ACADSB: variants seen among roughly 807,000 people sequenced by gnomAD.
The protein encoded by ACADSB is acyl-CoA dehydrogenase short/branched chain.
ACADSB carries 40 observed loss-of-function variants against 54.1 expected under a neutral mutation model. The ratio of observed to expected loss-of-function variants is 0.74; its 90% confidence interval spans 0.57 to 0.96. The LOEUF (loss-of-function observed/expected upper bound fraction) is 0.96, where lower values mean the gene tolerates loss of function less well. Ranked by LOEUF, ACADSB falls within the 40% of genes least tolerant of loss-of-function variation. The pLI, the probability that ACADSB is intolerant of heterozygous loss-of-function variation, is 0.00. For missense variants in ACADSB, 530 were observed against 510.4 expected (o/e 1.04, Z -0.37); for synonymous variants, 182 against 182.8 (o/e 1.00, Z 0.03).
chr10:123,039,978 AT>A (rs1193897957), intron 3 of ACADSB, among the ~76,000 whole-genome samples: 1 of 152,078 alleles, frequency 6.6e-6, no homozygotes, highest in Non-Finnish European at 1.5e-5. Flanking sequence ...TCTGTTACAG[AT>A]TTTTTTGTTA....
chr10:123,048,068 A>G (rs1458413526), intron 8 of ACADSB, among the ~76,000 whole-genome samples: 3 of 151,502 alleles, frequency 2.0e-5, no homozygotes, highest in African/African-American at 7.3e-5. Context: ...CTTTTAGGCA[A>G]CCTGAAGGCA....
chr10:123,020,459 G>T (rs1289275080), intron 1 of ACADSB, among the ~76,000 whole-genome samples: 5 of 152,202 alleles, frequency 3.3e-5, no homozygotes, highest in Admixed American at 6.5e-5. Flanking sequence ...CCATGATAGG[G>T]ATGTACCACA....
chr10:123,041,060 TC>T (rs1850466275), intron 4 of ACADSB, 148 bp from the exon 5 acceptor site: 2 of 901,394 alleles, frequency 2.2e-6, no homozygotes, highest in Non-Finnish European at 3.4e-6. Context: ...AATAATACTT[TC>T]AGAATACCAT....
chr10:123,056,317 A>ATGG lies in ACADSB; in HGVS notation c.*2559_*2561dup, dbSNP rs1396324583. 1 of 245,336 alleles carries ATGG rather than the reference A, an allele frequency of 4.1e-6. No individual in the cohort carries two copies. Among genetic ancestry groups the ATGG allele is most frequent in the African/African-American group, 2.3e-5 (1 of 42,878 alleles). The allele number at this position is 245,336 out of a possible 1,614,324, so 15.2% of individuals were successfully genotyped here. ...GCGGGAGGTGAAAAGCACTTCGTAC[A>ATGG]TGGTGGTGGCAAGAGAAAATGAAGA... On this transcript the variant is annotated 3_prime_UTR_variant, in exon 11 of 11. Transcript: ENST00000358776.
intron 1 of ACADSB, among the ~76,000 whole-genome samples, chr10:123,011,863 T>G (rs1267073137): frequency 6.6e-6 from 1 of 151,612 alleles, no homozygotes; most frequent in Non-Finnish European, 1.5e-5. Context: ...ATGATTTTTT[T>G]TTTTTTTAGA....
chr10:123,012,151 A>T (rs1200945776), intron 1 of ACADSB, among the ~76,000 whole-genome samples: 1 of 152,244 alleles, frequency 6.6e-6, no homozygotes, highest in Non-Finnish European at 1.5e-5. Flanking sequence ...CACCCAGCCA[A>T]GAGGTGATTC....
chr10:123,023,566 C>T (rs1406789319), intron 1 of ACADSB, among the ~76,000 whole-genome samples: 1 of 152,168 alleles, frequency 6.6e-6, no homozygotes, highest in Non-Finnish European at 1.5e-5. Flanking sequence ...ACCAGTTTTA[C>T]TTTGTATGCC....
rs778382947 is a variant in ACADSB at position 123,034,611 on chromosome 10, T to C, written c.202+96T>C. The C allele has an allele frequency of 3.5e-4, 482 of 1,372,252 alleles. 1 individual carries two copies. The highest frequency in any genetic ancestry group is 4.6e-4 in the Non-Finnish European group (452 of 980,082). 85.0% of individuals were successfully genotyped at this position (1,372,252 alleles called of 1,614,324 possible). ...GCTCACTGCAGCCCCACCTCTGGGC[T>C]CAAGCTATCCTGCTTCAGCCTCCTG... On this transcript the variant is annotated intron_variant, in intron 2 of 10. Coordinates refer to ENST00000358776, the MANE Select transcript of ACADSB (RefSeq NM_001609.4).
chr10:123,025,998 G>T (rs370054132), intron 1 of ACADSB, among the ~76,000 whole-genome samples: 3 of 152,070 alleles, frequency 2.0e-5, no homozygotes, highest in Non-Finnish European at 4.4e-5. Flanking sequence ...GCAGTTCTTG[G>T]GGGGAGGTTG....
chr10:123,009,164 G>T, intron 1 of ACADSB, 93 bp downstream of exon 1: 3 of 1,337,870 alleles, frequency 2.2e-6, no homozygotes, highest in Admixed American at 2.0e-5. Context: ...GCCTCGGGGC[G>T]CCGGCCTGAG....
chr10:123,042,775 G>T (rs1333521623), intron 5 of ACADSB, among the ~76,000 whole-genome samples: 1 of 152,054 alleles, frequency 6.6e-6, no homozygotes, highest in Non-Finnish European at 1.5e-5. Context: ...AAATTAAATT[G>T]AGAACATGAC....
At chr10:123,013,039 G>A (rs986548867) in intron 1 of ACADSB, among the ~76,000 whole-genome samples, 10 of 151,764 alleles carry the variant, frequency 6.6e-5, no homozygotes, top group African/African-American at 1.7e-4. Flanking sequence ...CACAGAGTGC[G>A]GATTGGTGCA....
intron 2 of ACADSB, among the ~76,000 whole-genome samples, chr10:123,035,719 G>A (rs74159953): frequency 0.022 from 3,343 of 152,234 alleles, 123 homozygotes; most frequent in African/African-American, 0.075. Context: ...CTGTTGCAGG[G>A]CTGAGGTCTT....
At chr10:123,048,734 A>G (rs1016372215) in intron 8 of ACADSB, among the ~76,000 whole-genome samples, 1 of 150,936 alleles carries the variant, frequency 6.6e-6, no homozygotes, top group African/African-American at 2.5e-5. Flanking sequence ...ATTTATTTTT[A>G]TTTATTTATT....
At chr10:123,012,764 A>G (rs769114675) in intron 1 of ACADSB, among the ~76,000 whole-genome samples, 3 of 152,148 alleles carry the variant, frequency 2.0e-5, no homozygotes, top group Non-Finnish European at 4.4e-5. Flanking sequence ...GTGTGGACTC[A>G]AAGATTGAGC....
In ACADSB at chr10:123,053,659, A is replaced by G. The variant is rs367803831; in HGVS notation, c.1229-36A>G. On this transcript the variant is annotated intron_variant, in intron 10 of 10. Transcript: ENST00000358776. The stretch of plus-strand genomic sequence containing the variant: ...TATTTCTTGTCTTAACCATGCGCCA[A>G]CTCCTCATTGTTCCTTCTGCTTCCT... 1.4e-4 allele frequency: 216 copies of G among 1,573,672 alleles called. No individual in the cohort carries two copies. In the Middle Eastern group the frequency reaches 1.8e-3, roughly 13 times the overall value.
chr10:123,015,515 C>T (rs995573608), intron 1 of ACADSB, among the ~76,000 whole-genome samples: 1 of 152,222 alleles, frequency 6.6e-6, no homozygotes, highest in African/African-American at 2.4e-5. Flanking sequence ...TGAGCTATGA[C>T]AACCCAAAAT....
chr10:123,038,818 C>A (rs1469574640), intron 3 of ACADSB, among the ~76,000 whole-genome samples: 1 of 152,172 alleles, frequency 6.6e-6, no homozygotes, highest in Non-Finnish European at 1.5e-5. Flanking sequence ...TATGTGGAAC[C>A]ATAGTGGTCA....
In ACADSB at chr10:123,041,345, T is replaced by C. The variant is rs762656756; in HGVS notation, c.647T>C (p.Leu216Pro). 6 of 1,614,216 alleles carry C rather than the reference T, an allele frequency of 3.7e-6. No homozygotes were observed. The Admixed American group carries it at 1.0e-4, about 27-fold the overall frequency. Residue 216 changes from leucine (L) to proline (P), a missense_variant, in exon 5 of 11, where the codon CTC (leucine) becomes CCC (proline). Coordinates refer to ENST00000358776, the MANE Select transcript of ACADSB (RefSeq NM_001609.4). The stretch of plus-strand genomic sequence containing the variant: ...ATCAGCAGTGCTGAGCACGCAGGGC[T>C]CTTTCTGGTGATGGCAAATGTAGAC... ...MWISSAEHAG[L>P]FLVMANVDPT...
Sources: allele counts gnomAD v4.1 joint callset (sites outside exome capture counted in the v4.1 genomes callset), GRCh38; gene constraint gnomAD v4.1.1; transcripts MANE v1.5; gene names NCBI Gene and HGNC (gene_info 2026-07-23, HGNC 2026-07-21).